IGF2R: variants seen among roughly 807,000 people sequenced by gnomAD.
IGF2R encodes the protein cation-independent mannose-6-phosphate receptor.
A neutral mutation model predicts 270.6 loss-of-function variants in IGF2R; 91 were observed. The ratio of observed to expected loss-of-function variants is 0.34; its 90% CI spans 0.28 to 0.40. The LOEUF (loss-of-function observed/expected upper bound fraction) is 0.40. Among genes scored for constraint, IGF2R ranks in the 10% least tolerant of loss-of-function variants. The probability of loss-of-function intolerance (pLI) is 1.00; values close to 1 mark genes in which losing one functional copy is unlikely to be tolerated. For missense variants in IGF2R, 2,805 were observed against 3,188.3 expected (o/e 0.88, Z 2.90); for synonymous variants, 1,316 against 1,258.9 (o/e 1.05, Z -0.96).
At chr6:160,101,129 T>C (rs1231780853) in intron 45 of IGF2R, among the ~76,000 whole-genome samples, 5 of 151,912 alleles carry the variant, frequency 3.3e-5, no homozygotes, top group Non-Finnish European at 4.4e-5. Flanking sequence ...ATTAACTACA[T>C]ACATGATGCA....
At chr6:160,087,158 A>G (rs536490674) in intron 41 of IGF2R, among the ~76,000 whole-genome samples, 4 of 152,320 alleles carry the variant, frequency 2.6e-5, no homozygotes, top group Non-Finnish European at 1.5e-5. Flanking sequence ...TTTTAAAAGC[A>G]GACAGTGCTC....
At chr6:160,062,009 C>G in intron 25 of IGF2R, 81 bp downstream of exon 25, 1 of 1,380,136 alleles carries the variant, frequency 7.2e-7, no homozygotes, top group Non-Finnish European at 1.0e-6. Context: ...AATCTTCTAT[C>G]TTGTTTAAAA....
At position 159,991,356 on chromosome 6, in the gene IGF2R, C is replaced by A. The variant is rs748207807; in HGVS notation, c.289+33C>A. The A allele has an allele frequency of 6.9e-6, 11 of 1,590,838 alleles. No homozygotes were observed. In the South Asian group the frequency reaches 1.1e-4, roughly 16 times the overall value. On this transcript the variant is annotated intron_variant, in intron 2 of 47. Coordinates refer to ENST00000356956, the MANE Select transcript of IGF2R (RefSeq NM_000876.4). Reference sequence around the variant, plus strand: ...GAACTACCTGAAATTACTGGATTGGCAATATGATTCCCCAATTTTGCAAAA... The same window carrying A: ...GAACTACCTGAAATTACTGGATTGGAAATATGATTCCCCAATTTTGCAAAA...
At chr6:160,067,679 T>G (rs1184547048) in intron 29 of IGF2R, among the ~76,000 whole-genome samples, 2 of 152,240 alleles carry the variant, frequency 1.3e-5, no homozygotes, top group African/African-American at 4.8e-5. Context: ...TCTCACTCAC[T>G]GTTAATATTG....
chr6:159,978,782 C>T (rs999740506), intron 1 of IGF2R, among the ~76,000 whole-genome samples: 14 of 151,238 alleles, frequency 9.3e-5, no homozygotes, highest in African/African-American at 1.7e-4. Context: ...TGGGGAAAAT[C>T]CCAGGTGCTC....
intron 1 of IGF2R, among the ~76,000 whole-genome samples, chr6:159,987,104 G>T (rs1783899661): frequency 6.6e-6 from 1 of 152,060 alleles, no homozygotes; most frequent in South Asian, 2.1e-4. Flanking sequence ...TTTTAGCTTA[G>T]GCCATTCTAG....
Position 160,089,115 on chromosome 6 carries a change from T to A in IGF2R, c.6329T>A (p.Ile2110Asn), listed in dbSNP as rs141062691. ...TGCTTCCCTCCTCCTAGGTTTGATA[T>A]CGACAGCTGCACTTACTACTTCAGC... ...VGRPAFKRFD[I>N]DSCTYYFSWD... Residue 2110 changes from isoleucine (I) to asparagine (N), a missense_variant, in exon 43 of 48, where the codon ATC (isoleucine) becomes AAC (asparagine). By Grantham distance (149) the Ile-to-Asn change is moderately radical. This residue lies in a region of IGF2R where 1,851 missense variants were observed against 2,207.2 expected (regional missense o/e 0.84). Transcript: ENST00000356956. 6.2e-7 allele frequency: 1 copy of A among 1,613,170 alleles called. No individual in the cohort carries two copies. The highest frequency in any genetic ancestry group is 1.3e-5 in the African/African-American group (1 of 75,010).
chr6:160,007,441 A>T (rs1784261670), intron 2 of IGF2R: 1 of 152,242 alleles, frequency 6.6e-6, no homozygotes, highest in South Asian at 2.1e-4. Flanking sequence ...TTTGGTCTTG[A>T]TTTGAAATTC....
Position 160,060,571 on chromosome 6 carries a change from G to A in IGF2R, c.3116G>A (p.Arg1039His), listed in dbSNP as rs764237014. Reference sequence around the variant, plus strand: ...GGTACCGCTGATGCTTTTATCGTCCGCTTTGTTTGCAATGATGATGTTTAC... The same window carrying A: ...GGTACCGCTGATGCTTTTATCGTCCACTTTGTTTGCAATGATGATGTTTAC... ...AKGTADAFIV[R>H]FVCNDDVYSG... is the part of the protein sequence containing the mutation. Residue 1039 changes from arginine (R) to histidine (H), a missense_variant, in exon 23 of 48, where the codon CGC becomes CAC. Arg to His is a conservative substitution (Grantham distance 29). This residue lies in a region of IGF2R where 1,851 missense variants were observed against 2,207.2 expected (regional missense o/e 0.84). Transcript: ENST00000356956. 9.0e-5 allele frequency: 146 copies of A among 1,614,094 alleles called. 2 individuals are homozygous for A. The highest frequency in any genetic ancestry group is 2.2e-4 in the South Asian group (20 of 91,082).
At chr6:160,051,276 G>A (rs555056911) in intron 19 of IGF2R, among the ~76,000 whole-genome samples, 135 of 152,322 alleles carry the variant, frequency 8.9e-4, no homozygotes, top group African/African-American at 3.2e-3. Flanking sequence ...ACTTGCAAAT[G>A]ATTCTCTTTG....
rs189154395 is a variant in IGF2R, at chr6:160,099,620, G to A, written c.6843-2899G>A. 1.4e-3 allele frequency among the ~76,000 whole-genome samples: 218 copies of A among 152,306 alleles called. 1 individual carries two copies. Among genetic ancestry groups the A allele is most frequent in the Admixed American group, 3.7e-3 (57 of 15,290 alleles). On this transcript the variant is annotated intron_variant, in intron 45 of 47. Coordinates refer to ENST00000356956, the MANE Select transcript of IGF2R (RefSeq NM_000876.4). Reference sequence around the variant, plus strand: ...CTGATCTTGTGATCCGCCTGCCTCAGCCTCCCAAAGTGCTGGGATTACAGG... The same window carrying A: ...CTGATCTTGTGATCCGCCTGCCTCAACCTCCCAAAGTGCTGGGATTACAGG...
chr6:160,070,989 C>G (rs1369126676), intron 31 of IGF2R, among the ~76,000 whole-genome samples: 2 of 152,292 alleles, frequency 1.3e-5, no homozygotes, highest in South Asian at 2.1e-4. Flanking sequence ...AGGGCTGCCC[C>G]ACATGTGGGG....
chr6:159,991,121 TAGAG>T, intron 1 of IGF2R, 59 bp from the exon 2 acceptor site: 1 of 1,492,706 alleles, frequency 6.7e-7, no homozygotes, highest in Non-Finnish European at 9.2e-7. Context: ...TGAATAAAAC[TAGAG>T]AGAAGTTTAA....
At chr6:160,076,132 A>AG (rs1388241783) in intron 36 of IGF2R, 136 bp downstream of exon 36, 1 of 819,956 alleles carries the variant, frequency 1.2e-6, no homozygotes, top group Non-Finnish European at 2.0e-6. Context: ...GTACGCTAGT[A>AG]GTGTGTCTGA....
Position 160,010,684 on chromosome 6 carries a change from T to C in IGF2R, c.415-3T>C. 6.5e-7 allele frequency: 1 copy of C among 1,545,430 alleles called. No homozygotes were observed. Among genetic ancestry groups the C allele is most frequent in the Non-Finnish European group, 8.9e-7 (1 of 1,118,334 alleles). ...CATTATAATTACTATTTTTTTTTAA[T>C]AGGGAACTCCTGAATTTGTAACTGC... is the stretch of plus-strand genomic sequence containing the variant. On this transcript the variant is annotated splice_region_variant and splice_polypyrimidine_tract_variant and intron_variant, in intron 3 of 47. Transcript: ENST00000356956.
At chr6:160,079,195 G>C (rs375455099) in intron 37 of IGF2R, among the ~76,000 whole-genome samples, 1 of 152,196 alleles carries the variant, frequency 6.6e-6, no homozygotes, top group Admixed American at 6.5e-5. Context: ...ATGCTTCAGC[G>C]TGCAGCGTCG....
intron 44 of IGF2R, chr6:160,093,470 C>A: frequency 2.0e-6 from 1 of 490,568 alleles, no homozygotes; most frequent in Non-Finnish European, 3.8e-6. Flanking sequence ...TTGAGGAGAT[C>A]AAGAAGGAGA....
At chr6:159,989,285 A>C (rs1783940242) in intron 1 of IGF2R, among the ~76,000 whole-genome samples, 1 of 152,026 alleles carries the variant, frequency 6.6e-6, no homozygotes, top group Non-Finnish European at 1.5e-5. Flanking sequence ...TCCATTGCTG[A>C]AACTAGTTCA....
Position 159,969,394 on chromosome 6 carries a change from A to T in IGF2R, c.148A>T (p.Ser50Cys). The T allele has an allele frequency of 8.1e-7, 1 of 1,234,154 alleles. No individual in the cohort carries two copies. The highest frequency in any genetic ancestry group is 1.0e-6 in the Non-Finnish European group (1 of 987,748). 76.5% of individuals were successfully genotyped at this position (1,234,154 alleles called of 1,614,324 possible). Residue 50 changes from serine (S) to cysteine (C), a missense_variant and splice_region_variant, in exon 1 of 48, where the codon AGT becomes TGT. Ser to Cys is a moderately radical substitution (Grantham distance 112, BLOSUM62 -1). Coordinates refer to ENST00000356956, the MANE Select transcript of IGF2R (RefSeq NM_000876.4). ...AQAAPFPELC[S>C]YTWEAVDTKN... ...GGCCGCCCCGTTCCCCGAGCTGTGC[A>T]GGTGGGTGGCCCGCCCGGACGCAGG...
Sources: allele counts gnomAD v4.1 joint callset (sites outside exome capture counted in the v4.1 genomes callset), GRCh38; gene constraint gnomAD v4.1.1; regional missense constraint gnomAD v4.1.1; transcripts MANE v1.5; gene names NCBI Gene and HGNC (gene_info 2026-07-23, HGNC 2026-07-21).